The following KCNQ5 variants were observed in gnomAD, a reference collection of about 807,000 sequenced individuals.
KCNQ5 encodes the protein potassium voltage-gated channel subfamily KQT member 5.
Under a neutral mutation model 98.2 loss-of-function variants are expected in KCNQ5, and 30 were observed. That is an observed-to-expected ratio of 0.31 (90% CI 0.23 to 0.41). KCNQ5 has a LOEUF of 0.41. Ranked by LOEUF, KCNQ5 falls within the 10% of genes least tolerant of loss-of-function variation. KCNQ5 has a pLI of 1.00. For missense variants in KCNQ5, 835 were observed against 1,182.5 expected, an observed-to-expected ratio of 0.71 and a Z score of 4.31; for synonymous variants, 458 against 449.4, an observed-to-expected ratio of 1.02 and a Z score of -0.24.
intron 1 of KCNQ5, among the ~76,000 whole-genome samples, chr6:72,876,162 C>G (rs1252749766): frequency 6.6e-6 from 1 of 151,848 alleles, no homozygotes; most frequent in Admixed American, 6.6e-5. Context: ...AATTATAAAG[C>G]CTAGTTTTTC....
Position 72,665,471 on chromosome 6 carries a change from T to G in KCNQ5, c.398+42884T>G, listed in dbSNP as rs1004010341. Among the ~76,000 whole-genome samples, 9 of 152,098 alleles carry G rather than the reference T, an allele frequency of 5.9e-5. No individual in the cohort carries two copies. The East Asian group carries it at 1.5e-3, about 26-fold the overall frequency. On this transcript the variant is annotated intron_variant, in intron 1 of 13. Transcript: ENST00000370398. Reference sequence around the variant, plus strand: ...TGTCATCATTTAAATCCACCCAAGATTTGCCAAGAATTTCTGAAAAGAAAA... The same window carrying G: ...TGTCATCATTTAAATCCACCCAAGAGTTGCCAAGAATTTCTGAAAAGAAAA...
intron 1 of KCNQ5, among the ~76,000 whole-genome samples, chr6:72,910,153 A>G (rs999163041): frequency 2.6e-5 from 4 of 152,192 alleles, no homozygotes; most frequent in African/African-American, 9.6e-5. Context: ...AATTGCAGGA[A>G]TACTATTTAA....
chr6:73,131,446 C>A (rs1776235363), intron 9 of KCNQ5, among the ~76,000 whole-genome samples: 1 of 151,900 alleles, frequency 6.6e-6, no homozygotes, highest in African/African-American at 2.4e-5. Context: ...TAGTGAGGAC[C>A]AATTGTAATG....
intron 7 of KCNQ5, among the ~76,000 whole-genome samples, chr6:73,115,530 T>C (rs1775455937): frequency 6.6e-6 from 1 of 152,152 alleles, no homozygotes; most frequent in Admixed American, 6.5e-5. Context: ...TCCTAAATGC[T>C]TTCTGAGCAG....
In KCNQ5 at chr6:72,941,650, G is replaced by A. The variant is rs148050519; in HGVS notation, c.399-62258G>A. Among the ~76,000 whole-genome samples the A allele has an allele frequency of 1.7e-3, 36 of 21,232 alleles. 1 individual carries two copies. Among genetic ancestry groups the A allele is most frequent in the African/African-American group, 4.3e-3 (31 of 7,272 alleles). The allele number at this position is 21,232 out of a possible 152,430, so 13.9% of individuals were successfully genotyped here. ...CCCCTCCCTCCTCCCTTCCCCACCC[G>A]CACCTCCCTCCCCATCTCTTTCTTT... On this transcript the variant is annotated intron_variant, in intron 1 of 13. Coordinates refer to ENST00000370398, the MANE Select transcript of KCNQ5 (RefSeq NM_019842.4).
At chr6:72,779,821 CTG>C (rs35526812) in intron 1 of KCNQ5, among the ~76,000 whole-genome samples, 6,907 of 124,138 alleles carry the variant, frequency 0.056, 245 homozygotes, top group Non-Finnish European at 0.073. Context: ...ATTTAATTTT[CTG>C]TGTGTGTGTG....
intron 1 of KCNQ5, among the ~76,000 whole-genome samples, chr6:72,821,064 C>G (rs1582354607): frequency 6.6e-6 from 1 of 152,124 alleles, no homozygotes; most frequent in Non-Finnish European, 1.5e-5. Flanking sequence ...TATGTAGCTT[C>G]AAGAGCTGGT....
At chr6:72,818,803 T>C (rs1020687702) in intron 1 of KCNQ5, among the ~76,000 whole-genome samples, 29 of 151,276 alleles carry the variant, frequency 1.9e-4, no homozygotes, top group South Asian at 4.1e-4. Context: ...CATTTTCATA[T>C]TTTAAATAAT....
intron 1 of KCNQ5, among the ~76,000 whole-genome samples, chr6:72,808,669 C>T (rs547962978): frequency 7.9e-5 from 12 of 152,206 alleles, no homozygotes; most frequent in Admixed American, 2.6e-4. Context: ...ACACCACTGC[C>T]GGGCGCGGTG....
At chr6:73,125,836 A>AG (rs367664695) in intron 9 of KCNQ5, among the ~76,000 whole-genome samples, 1 of 824 alleles carries the variant, frequency 1.2e-3, no homozygotes, top group Non-Finnish European at 2.6e-3. Context: ...TGGTAGCTCT[A>AG]ACTACCAAAT....
At chr6:72,630,738 C>T (rs1458983574) in intron 1 of KCNQ5, 3 of 152,002 alleles carry the variant, frequency 2.0e-5, no homozygotes, top group Non-Finnish European at 4.4e-5. Context: ...TGGTGGCTCT[C>T]GCTGAAACTA....
Position 72,828,546 on chromosome 6 carries a change from C to A in KCNQ5, c.399-175362C>A, listed in dbSNP as rs190380194. On this transcript the variant is annotated intron_variant, in intron 1 of 13. Transcript: ENST00000370398. ...GTTAGTTCATTCATGTACAGAAATGCTACTCATTTTTGTATATTAATTCTG... is the reference window on the plus strand; with the variant it reads ...GTTAGTTCATTCATGTACAGAAATGATACTCATTTTTGTATATTAATTCTG... Among the ~76,000 whole-genome samples, 35 of 152,118 alleles carry A rather than the reference C, an allele frequency of 2.3e-4. 1 individual carries two copies. The highest frequency in any genetic ancestry group is 3.4e-4 in the Non-Finnish European group (23 of 67,948).
At chr6:72,854,822 G>A (rs373590775) in intron 1 of KCNQ5, among the ~76,000 whole-genome samples, 1 of 147,808 alleles carries the variant, frequency 6.8e-6, no homozygotes, top group Non-Finnish European at 1.5e-5. Flanking sequence ...ACTTTATAAC[G>A]CTGGTTGAGA....
intron 1 of KCNQ5, among the ~76,000 whole-genome samples, chr6:72,891,210 A>G (rs979215467): frequency 3.9e-5 from 6 of 152,208 alleles, no homozygotes; most frequent in Non-Finnish European, 5.9e-5. Flanking sequence ...CAGATTTACT[A>G]TGTCCATAAT....
chr6:72,969,523 T>C (rs928398715), intron 1 of KCNQ5, among the ~76,000 whole-genome samples: 10 of 152,168 alleles, frequency 6.6e-5, no homozygotes, highest in African/African-American at 2.4e-4. Flanking sequence ...TGGGATGGTA[T>C]TTTCACTCTT....
chr6:73,040,878 T>C (rs1168511196), intron 2 of KCNQ5, among the ~76,000 whole-genome samples: 1 of 152,208 alleles, frequency 6.6e-6, no homozygotes, highest in East Asian at 1.9e-4. Flanking sequence ...CGAGTAAGAA[T>C]GGGAGAATGG....
In KCNQ5 at chr6:73,162,826, C is replaced by A. The variant is rs142980623; in HGVS notation, c.1469-6920C>A. ...GTGGAGTTGGCACATCCTCCTCAGG[C>A]CTGCATGGATTTTCTGCAGGTTCTC... On this transcript the variant is annotated intron_variant, in intron 10 of 13. Coordinates refer to ENST00000370398, the MANE Select transcript of KCNQ5 (RefSeq NM_019842.4). Among the ~76,000 whole-genome samples the A allele has an allele frequency of 9.9e-5, 15 of 152,280 alleles. No individual in the cohort carries two copies. In the East Asian group the frequency reaches 2.9e-3, roughly 29 times the overall value.
intron 1 of KCNQ5, among the ~76,000 whole-genome samples, chr6:72,623,367 C>A (rs1485902261): frequency 7.3e-6 from 1 of 136,430 alleles, no homozygotes; most frequent in Non-Finnish European, 1.6e-5. Flanking sequence ...GGGTTAAGTC[C>A]CCGTTTGTGG....
intron 5 of KCNQ5, among the ~76,000 whole-genome samples, chr6:73,095,915 T>C (rs1774471653): frequency 6.6e-6 from 1 of 152,164 alleles, no homozygotes; most frequent in South Asian, 2.1e-4. Flanking sequence ...TAGGACACAC[T>C]AGTGGGCAAT....
Sources: allele counts gnomAD v4.1 joint callset (sites outside exome capture counted in the v4.1 genomes callset), GRCh38; gene constraint gnomAD v4.1.1; transcripts MANE v1.5; gene names NCBI Gene and HGNC (gene_info 2026-07-23, HGNC 2026-07-21).